The following RASGRP3 variants were observed in gnomAD, a reference collection of about 807,000 sequenced individuals.
RASGRP3 encodes ras guanyl-releasing protein 3.
In RASGRP3, 54 loss-of-function variants were observed where a neutral mutation model predicts 82.7. That is an observed-to-expected ratio of 0.65 (90% CI 0.52 to 0.82). The LOEUF (loss-of-function observed/expected upper bound fraction) is 0.82. Among genes scored for constraint, RASGRP3 ranks in the 40% least tolerant of loss-of-function variants. The pLI is 0.00. For synonymous variants in RASGRP3, 309 were observed against 300.5 expected (o/e 1.03, Z -0.29); for missense variants, 861 against 828.9 (o/e 1.04, Z -0.48).
At chr2:33,466,657 C>T (rs1448833929) in intron 2 of RASGRP3, among the ~76,000 whole-genome samples, 1 of 141,886 alleles carries the variant, frequency 7.0e-6, no homozygotes, top group East Asian at 2.1e-4. Context: ...GCCGTGTGGG[C>T]AACAAGAGGG....
intron 13 of RASGRP3, among the ~76,000 whole-genome samples, chr2:33,544,324 A>C (rs1674541836): frequency 6.6e-6 from 1 of 152,146 alleles, no homozygotes; most frequent in African/African-American, 2.4e-5. Flanking sequence ...AAAAAAAAAA[A>C]ACTCACTTAT....
chr2:33,440,037 G>A (rs920811203), intron 1 of RASGRP3, among the ~76,000 whole-genome samples: 3 of 152,112 alleles, frequency 2.0e-5, no homozygotes, highest in Non-Finnish European at 2.9e-5. Flanking sequence ...TCAAGAGGAT[G>A]TTATGTTTTA....
chr2:33,497,018 T>C (rs1669391126), intron 1 of RASGRP3, among the ~76,000 whole-genome samples: 1 of 152,214 alleles, frequency 6.6e-6, no homozygotes, highest in African/African-American at 2.4e-5. Context: ...ACTCATTGAT[T>C]AATGGTAGCT....
intron 1 of RASGRP3, among the ~76,000 whole-genome samples, chr2:33,440,734 G>A (rs1665177460): frequency 6.6e-6 from 1 of 152,144 alleles, no homozygotes; most frequent in Admixed American, 6.5e-5. Context: ...TGGTCATCTG[G>A]TGAAATAAAG....
intron 1 of RASGRP3, among the ~76,000 whole-genome samples, chr2:33,483,409 G>T (rs554959951): frequency 6.6e-6 from 1 of 151,626 alleles, no homozygotes; most frequent in East Asian, 1.9e-4. Context: ...AACTTTGACA[G>T]AGAACTAGTA....
intron 2 of RASGRP3, among the ~76,000 whole-genome samples, chr2:33,468,386 T>G (rs1666849866): frequency 6.6e-6 from 1 of 152,140 alleles, no homozygotes; most frequent in East Asian, 1.9e-4. Flanking sequence ...TATTTTTCCA[T>G]GTTACTAATA....
At chr2:33,457,769 G>T (rs1407528231) in intron 2 of RASGRP3, among the ~76,000 whole-genome samples, 1 of 152,024 alleles carries the variant, frequency 6.6e-6, no homozygotes, top group African/African-American at 2.4e-5. Flanking sequence ...GAGAATCCTG[G>T]TTTCCTGTTC....
Position 33,495,746 on chromosome 2 carries a change from T to C in RASGRP3, c.-260-15964T>C, listed in dbSNP as rs77994218. Among the ~76,000 whole-genome samples, 346 of 152,232 alleles carry C rather than the reference T, an allele frequency of 2.3e-3. 2 individuals are homozygous for C. The highest frequency in any genetic ancestry group is 8.0e-3 in the African/African-American group (331 of 41,538). ...ATCTCTTAAAATAAAAAAAGAACAA[T>C]TCTTTCTCCGTTTGGAACAAGTGAT... On this transcript the variant is annotated intron_variant, in intron 1 of 17. Coordinates refer to ENST00000403687, the MANE Select transcript of RASGRP3 (RefSeq NM_001139488.2).
rs1676922292 is a variant in RASGRP3 at position 33,563,519 on chromosome 2, TGG to T, written c.*784_*785del. 1 of 152,250 alleles carries T rather than the reference TGG, an allele frequency of 6.6e-6. No homozygotes were observed. The highest frequency in any genetic ancestry group is 6.5e-5 in the Admixed American group (1 of 15,286). The allele number at this position is 152,250 out of a possible 1,614,324, so 9.4% of individuals were successfully genotyped here. ...GAAAATTATGCTTGTCCCTTCTGAC[TGG>T]GTTAAGCCATCTTTCTTAAGATTCC... On this transcript the variant is annotated 3_prime_UTR_variant, in exon 18 of 18. Coordinates refer to ENST00000403687, the MANE Select transcript of RASGRP3 (RefSeq NM_001139488.2).
At chr2:33,539,988 A>C (rs1300324234) in intron 12 of RASGRP3, 1 of 74,350 alleles carries the variant, frequency 1.3e-5, no homozygotes, top group Non-Finnish European at 2.7e-5. Flanking sequence ...ACTCCGTCTG[A>C]AAAAAAAAAA....
At chr2:33,535,610 AG>A (rs1421155781) in intron 11 of RASGRP3, among the ~76,000 whole-genome samples, 1 of 152,222 alleles carries the variant, frequency 6.6e-6, no homozygotes, top group East Asian at 1.9e-4. Context: ...CTGACCTGGT[AG>A]CATCTGTTCT....
chr2:33,460,993 A>G (rs1666331443), intron 2 of RASGRP3, among the ~76,000 whole-genome samples: 1 of 152,214 alleles, frequency 6.6e-6, no homozygotes, highest in Non-Finnish European at 1.5e-5. Context: ...ATAGTTTTCG[A>G]GTGTTGCAAT....
At chr2:33,532,506 C>G (rs1025997826) in intron 10 of RASGRP3, 4 of 152,120 alleles carry the variant, frequency 2.6e-5, no homozygotes, top group Admixed American at 6.5e-5. Context: ...CAAAATGTAC[C>G]TTTTACGCAT....
intron 1 of RASGRP3, among the ~76,000 whole-genome samples, chr2:33,486,361 T>A (rs568847724): frequency 6.6e-6 from 1 of 152,052 alleles, no homozygotes; most frequent in East Asian, 1.9e-4. Context: ...AGAGATGGGG[T>A]TTTGCCATAT....
chr2:33,509,399 CAAAA>C (rs74781951), intron 1 of RASGRP3, among the ~76,000 whole-genome samples: 1 of 143,804 alleles, frequency 7.0e-6, no homozygotes, highest in Admixed American at 6.9e-5. Flanking sequence ...AAGACCATCT[CAAAA>C]AAAAAAAATC....
In RASGRP3 at chr2:33,515,058, T is replaced by A; in HGVS notation, c.-79T>A. On this transcript the variant is annotated 5_prime_UTR_variant, in exon 3 of 18. Transcript: ENST00000403687. ...GACAGGTCACCACTAGGCACTAACA[T>A]CGCTGACTTGCATGATTATGGAGAT... is the stretch of plus-strand genomic sequence containing the variant. The A allele has an allele frequency of 7.3e-7, 1 of 1,366,144 alleles. No homozygotes were observed. The highest frequency in any genetic ancestry group is 1.4e-5 in the African/African-American group (1 of 70,026). 84.6% of individuals were successfully genotyped at this position (1,366,144 alleles called of 1,614,324 possible).
chr2:33,516,397 AC>A, intron 3 of RASGRP3, 144 bp from the exon 4 acceptor site: 1 of 564,380 alleles, frequency 1.8e-6, no homozygotes, highest in Non-Finnish European at 3.1e-6. Flanking sequence ...ACAGAGCAAG[AC>A]TCCATCTTAA....
rs59601670 is a variant in RASGRP3, at chr2:33,547,342, C to CTTTTTTTTTTTT, written c.1395-2244_1395-2233dup. Among the ~76,000 whole-genome samples, 152 of 68,206 alleles carry CTTTTTTTTTTTT rather than the reference C, an allele frequency of 2.2e-3. 21 individuals carry two copies. Among genetic ancestry groups the CTTTTTTTTTTTT allele is most frequent in the Non-Finnish European group, 3.1e-3 (121 of 39,016 alleles). 44.7% of individuals were successfully genotyped at this position (68,206 alleles called of 152,430 possible). A position where few individuals can be genotyped will look rare whatever the true frequency, so the allele number is the denominator to read the frequency against. On this transcript the variant is annotated intron_variant, in intron 13 of 17. Coordinates refer to ENST00000403687, the MANE Select transcript of RASGRP3 (RefSeq NM_001139488.2). Reference sequence around the variant, plus strand: ...CCCGCAAGCTTGAGAATATAGAATCCTTTTTTTTTTTTTTTTTTTTTTTTT... The same window carrying CTTTTTTTTTTTT: ...CCCGCAAGCTTGAGAATATAGAATCCTTTTTTTTTTTTTTTTTTTTTTTTTTTTTTTTTTTTT...
rs556879081 is a variant in RASGRP3, at chr2:33,489,424, G to A, written c.-261+12717G>A. ...CCAGTCCTTCAGAATGAAAAGCCAA[G>A]TTGAATGGTTCACAACACAGGCTGA... is the stretch of plus-strand genomic sequence containing the variant. On this transcript the variant is annotated intron_variant, in intron 1 of 17. Coordinates refer to ENST00000403687, the MANE Select transcript of RASGRP3 (RefSeq NM_001139488.2). Among the ~76,000 whole-genome samples the A allele has an allele frequency of 3.9e-5, 6 of 152,272 alleles. No homozygotes were observed. The South Asian group carries it at 1.0e-3, about 26-fold the overall frequency.
Sources: allele counts gnomAD v4.1 joint callset (sites outside exome capture counted in the v4.1 genomes callset), GRCh38; gene constraint gnomAD v4.1.1; transcripts MANE v1.5; gene names NCBI Gene and HGNC (gene_info 2026-07-23, HGNC 2026-07-21).